MAPRE2: variants seen among roughly 807,000 people sequenced by gnomAD.
MAPRE2 encodes the protein microtubule associated protein RP/EB family member 2, also known as microtubule-associated protein RP/EB family member 2.
Under a neutral mutation model 43.2 loss-of-function variants are expected in MAPRE2, and 13 were observed. That is an observed-to-expected ratio of 0.30 (90% CI 0.20 to 0.48). The LOEUF is 0.48. Among genes scored for constraint, MAPRE2 ranks in the 20% least tolerant of loss-of-function variants. MAPRE2 has a pLI of 0.99. For missense variants in MAPRE2, 161 were observed against 400.2 expected (o/e 0.40, Z 5.10); for synonymous variants, 135 against 148.8 (o/e 0.91, Z 0.68).
chr18:35,106,495 G>GA (rs879370969), intron 4 of MAPRE2, among the ~76,000 whole-genome samples: 5 of 151,822 alleles, frequency 3.3e-5, no homozygotes, highest in Non-Finnish European at 7.4e-5. Flanking sequence ...ACATTAGCAA[G>GA]AAAAAAAATT....
intron 4 of MAPRE2, among the ~76,000 whole-genome samples, chr18:35,103,156 T>C (rs545304545): frequency 4.6e-5 from 7 of 152,134 alleles, no homozygotes; most frequent in Non-Finnish European, 8.8e-5. Flanking sequence ...CTTTTTGAAA[T>C]TTTTTTAATA....
chr18:35,010,322 C>G (rs1374941715), intron 2 of MAPRE2, among the ~76,000 whole-genome samples: 1 of 152,184 alleles, frequency 6.6e-6, no homozygotes. Flanking sequence ...AGGCAGATCC[C>G]TTGAATCCAA....
At chr18:35,120,792 A>ATCTCTTTGCCAAGGTGC (rs1909633185) in intron 4 of MAPRE2, among the ~76,000 whole-genome samples, 1 of 152,170 alleles carries the variant, frequency 6.6e-6, no homozygotes, top group Non-Finnish European at 1.5e-5. Flanking sequence ...TGCAGGGGAT[A>ATCTCTTTGCCAAGGTGC]AGAAAGTAAT....
At chr18:35,030,304 G>A (rs186506830) in intron 2 of MAPRE2, among the ~76,000 whole-genome samples, 8 of 152,214 alleles carry the variant, frequency 5.3e-5, no homozygotes, top group Admixed American at 1.3e-4. Flanking sequence ...CGGAAGTGCC[G>A]TTTTATGGCA....
At chr18:35,050,525 A>G (rs913335040) in intron 1 of MAPRE2, among the ~76,000 whole-genome samples, 1 of 152,224 alleles carries the variant, frequency 6.6e-6, no homozygotes, top group Admixed American at 6.5e-5. Context: ...TGATGCGTCC[A>G]GCCTGTTTAG....
chr18:35,007,590 A>G (rs1166798102), intron 2 of MAPRE2, among the ~76,000 whole-genome samples: 1 of 152,260 alleles, frequency 6.6e-6, no homozygotes, highest in Non-Finnish European at 1.5e-5. Context: ...AAAACAGGCA[A>G]TGGACTATAC....
At chr18:35,017,244 G>GTTTTTTTTTTTT (rs140257488) in intron 2 of MAPRE2, among the ~76,000 whole-genome samples, 2 of 126,280 alleles carry the variant, frequency 1.6e-5, no homozygotes, top group Admixed American at 7.9e-5. Flanking sequence ...CGGTTTTGTT[G>GTTTTTTTTTTTT]TTTTTTTTTT....
intron 2 of MAPRE2, among the ~76,000 whole-genome samples, chr18:35,006,113 T>C (rs2097031756): frequency 2.6e-5 from 4 of 152,190 alleles, no homozygotes; most frequent in Admixed American, 2.0e-4. Context: ...GTAAGTAATG[T>C]CTTCAAGAGT....
At chr18:35,108,531 C>T (rs1394924382) in intron 4 of MAPRE2, among the ~76,000 whole-genome samples, 1 of 152,094 alleles carries the variant, frequency 6.6e-6, no homozygotes, top group African/African-American at 2.4e-5. Flanking sequence ...ATTCTAGATC[C>T]TTCAGAAATC....
At chr18:34,985,474 A>T (rs1237538132) in intron 1 of MAPRE2, among the ~76,000 whole-genome samples, 1 of 52,014 alleles carries the variant, frequency 1.9e-5, no homozygotes, top group Non-Finnish European at 3.3e-5. Flanking sequence ...ATTATATAAT[A>T]TATAATATAT....
chr18:34,982,055 A>G (rs1358435855), intron 1 of MAPRE2, among the ~76,000 whole-genome samples: 2 of 151,106 alleles, frequency 1.3e-5, no homozygotes. Flanking sequence ...GGCTAATTTT[A>G]TGTATTTTTA....
At chr18:35,081,756 G>A (rs991646823) in intron 2 of MAPRE2, among the ~76,000 whole-genome samples, 2 of 152,096 alleles carry the variant, frequency 1.3e-5, no homozygotes, top group African/African-American at 2.4e-5. Context: ...AGCAACTTGA[G>A]AAAGGGGCGC....
At chr18:35,108,115 C>G (rs192930916) in intron 4 of MAPRE2, among the ~76,000 whole-genome samples, 1 of 152,030 alleles carries the variant, frequency 6.6e-6, no homozygotes, top group Non-Finnish European at 1.5e-5. Flanking sequence ...TCTAAGTTCC[C>G]TCCCCTCACC....
rs617760 is a variant in MAPRE2 at position 35,142,904 on chromosome 18, A to G, written c.*2535A>G. 116,224 of 151,304 alleles carry G rather than the reference A, an allele frequency of 0.77. 45,577 individuals carry two copies. Among genetic ancestry groups the G allele is most frequent in the African/African-American group, 0.94 (38,856 of 41,310 alleles). 9.4% of individuals were successfully genotyped at this position (151,304 alleles called of 1,614,324 possible). Reference sequence around the variant, plus strand: ...TCGGGCTGGGCAGGAAGCGTCCCTGATTGCGTGCTCCACTTCTCCCTCTCA... The same window carrying G: ...TCGGGCTGGGCAGGAAGCGTCCCTGGTTGCGTGCTCCACTTCTCCCTCTCA... On this transcript the variant is annotated 3_prime_UTR_variant, in exon 7 of 7. Coordinates refer to ENST00000300249, the MANE Select transcript of MAPRE2 (RefSeq NM_014268.4).
At chr18:34,983,008 A>G (rs932597804) in intron 1 of MAPRE2, among the ~76,000 whole-genome samples, 1 of 152,338 alleles carries the variant, frequency 6.6e-6, no homozygotes, top group South Asian at 2.1e-4. Context: ...CTGTGGCAGC[A>G]TGGAATTGTT....
chr18:35,024,781 A>C (rs2097044109), intron 2 of MAPRE2, among the ~76,000 whole-genome samples: 1 of 152,184 alleles, frequency 6.6e-6, no homozygotes, highest in African/African-American at 2.4e-5. Context: ...TTGCTATAGG[A>C]CATTCTCTTT....
At chr18:35,109,640 A>C (rs975276963) in intron 4 of MAPRE2, among the ~76,000 whole-genome samples, 2 of 151,706 alleles carry the variant, frequency 1.3e-5, no homozygotes, top group Admixed American at 1.3e-4. Context: ...TAATCTAGCT[A>C]CTCCAGCTTT....
At chr18:35,035,860 C>G (rs527309981) in intron 2 of MAPRE2, among the ~76,000 whole-genome samples, 1 of 133,978 alleles carries the variant, frequency 7.5e-6, no homozygotes, top group East Asian at 2.1e-4. Context: ...TTCTCTTTCC[C>G]CCTGAATGAG....
intron 2 of MAPRE2, among the ~76,000 whole-genome samples, chr18:35,008,453 G>A (rs974371275): frequency 1.3e-5 from 2 of 152,006 alleles, no homozygotes; most frequent in South Asian, 2.1e-4. Flanking sequence ...TGCATATTTG[G>A]TCTTCTCACG....
Sources: allele counts gnomAD v4.1 joint callset (sites outside exome capture counted in the v4.1 genomes callset), GRCh38; gene constraint gnomAD v4.1.1; transcripts MANE v1.5; gene names NCBI Gene and HGNC (gene_info 2026-07-23, HGNC 2026-07-21).